Variants in TMEM132B observed in about 807,000 individuals in gnomAD.
The protein encoded by TMEM132B is transmembrane protein 132B.
TMEM132B carries 18 observed loss-of-function variants against 90.8 expected under a neutral mutation model. That is an observed-to-expected ratio of 0.20 (90% CI 0.14 to 0.29). The LOEUF is 0.29. Among genes scored for constraint, TMEM132B ranks in the 10% least tolerant of loss-of-function variants. The pLI is 1.00. For missense variants in TMEM132B, 1,096 were observed against 1,326.8 expected (o/e 0.83, Z 2.70); for synonymous variants, 504 against 523.3 (o/e 0.96, Z 0.50).
At chr12:125,278,277 G>C (rs1004313884) in intron 1 of TMEM132B, among the ~76,000 whole-genome samples, 1 of 152,200 alleles carries the variant, frequency 6.6e-6, no homozygotes, top group African/African-American at 2.4e-5. Flanking sequence ...CATTTGGCCT[G>C]TAAGGTGGAA....
intron 1 of TMEM132B, among the ~76,000 whole-genome samples, chr12:125,238,695 C>G (rs942906089): frequency 6.6e-6 from 1 of 152,152 alleles, no homozygotes; most frequent in African/African-American, 2.4e-5. Context: ...ACAGGTGGGG[C>G]GGTCAGCACC....
At chr12:125,539,001 C>T (rs1005340819) in intron 4 of TMEM132B, among the ~76,000 whole-genome samples, 3 of 152,220 alleles carry the variant, frequency 2.0e-5, no homozygotes, top group African/African-American at 7.2e-5. Flanking sequence ...ACCACCATCT[C>T]CTGCCAGACC....
chr12:125,316,618 C>CTTTTTCTTTTTTTTTTTTTTTTT (rs1555239077), intron 1 of TMEM132B, among the ~76,000 whole-genome samples: 1 of 150,858 alleles, frequency 6.6e-6, no homozygotes, highest in Admixed American at 6.6e-5. Flanking sequence ...AGATGATTTT[C>CTTTTTCTTTTTTTTTTTTTTTTT]AGCTGAGGTC....
chr12:125,588,184 C>T (rs1382543374), intron 5 of TMEM132B: 2 of 152,164 alleles, frequency 1.3e-5, no homozygotes, highest in Admixed American at 6.5e-5. Flanking sequence ...CCTTCCTCAC[C>T]GTTTGACCTT....
chr12:125,422,776 C>T (rs1377456421), intron 3 of TMEM132B, among the ~76,000 whole-genome samples: 1 of 152,134 alleles, frequency 6.6e-6, no homozygotes, highest in East Asian at 1.9e-4. Flanking sequence ...TCTGGAGCCA[C>T]CAGAAGCTGG....
intron 1 of TMEM132B, among the ~76,000 whole-genome samples, chr12:125,292,793 A>T (rs1236567970): frequency 6.6e-6 from 1 of 152,200 alleles, no homozygotes; most frequent in East Asian, 1.9e-4. Context: ...AGCAGAAATG[A>T]CAAGACTGAA....
intron 4 of TMEM132B, among the ~76,000 whole-genome samples, chr12:125,540,133 T>C (rs1281712820): frequency 6.6e-6 from 1 of 152,248 alleles, no homozygotes; most frequent in Non-Finnish European, 1.5e-5. Flanking sequence ...CCAGATATCT[T>C]TCTATTACTG....
intron 5 of TMEM132B, chr12:125,622,316 A>G (rs1886130254): frequency 5.0e-6 from 1 of 200,012 alleles, no homozygotes; most frequent in South Asian, 1.7e-4. Context: ...ACACTGGAAT[A>G]GTATGTTAGA....
At chr12:125,643,737 G>C (rs1886686785) in intron 5 of TMEM132B, among the ~76,000 whole-genome samples, 1 of 152,148 alleles carries the variant, frequency 6.6e-6, no homozygotes, top group Non-Finnish European at 1.5e-5. Flanking sequence ...TGAGGCACCT[G>C]GGGTTTGATT....
Position 125,287,001 on chromosome 12 carries a change from C to T in TMEM132B, c.68-62451C>T, listed in dbSNP as rs541635006. 3.4e-4 allele frequency among the ~76,000 whole-genome samples: 50 copies of T among 148,488 alleles called. No homozygotes were observed. The South Asian group carries it at 5.0e-3, about 15-fold the overall frequency. Reference sequence around the variant, plus strand: ...TACAGGCGTGAGCCACCAGGTCTGGCCAGAATTCCTCTTTTTTTTTTTTTT... The same window carrying T: ...TACAGGCGTGAGCCACCAGGTCTGGTCAGAATTCCTCTTTTTTTTTTTTTT... On this transcript the variant is annotated intron_variant, in intron 1 of 8. Coordinates refer to ENST00000682704, the MANE Select transcript of TMEM132B (RefSeq NM_001366854.1).
intron 5 of TMEM132B, among the ~76,000 whole-genome samples, chr12:125,620,093 G>A (rs1301832297): frequency 6.6e-6 from 1 of 152,178 alleles, no homozygotes; most frequent in African/African-American, 2.4e-5. Flanking sequence ...GTTGCGATGT[G>A]TCAGCAGAGC....
At chr12:125,538,804 T>C (rs1883880534) in intron 4 of TMEM132B, among the ~76,000 whole-genome samples, 2 of 152,212 alleles carry the variant, frequency 1.3e-5, no homozygotes. Flanking sequence ...CAGTCTTTCC[T>C]GTATCAGCAA....
intron 4 of TMEM132B, among the ~76,000 whole-genome samples, chr12:125,527,395 CCCATCCAG>C (rs1883511909): frequency 1.5e-5 from 2 of 134,784 alleles, no homozygotes. Context: ...CACCCATCCA[CCCATCCAG>C]CCTTCCATCC....
At chr12:125,505,453 C>A (rs2136613620) in intron 3 of TMEM132B, among the ~76,000 whole-genome samples, 1 of 152,080 alleles carries the variant, frequency 6.6e-6, no homozygotes, top group Non-Finnish European at 1.5e-5. Context: ...AATCCCAGCA[C>A]TTTGGGAGGC....
Position 125,458,816 on chromosome 12 carries a change from GGCACCAC to G in TMEM132B, c.1106+43140_1106+43146del, listed in dbSNP as rs1479519496. Among the ~76,000 whole-genome samples the G allele has an allele frequency of 1.3e-5, 2 of 152,194 alleles. No homozygotes were observed. Among genetic ancestry groups the G allele is most frequent in the African/African-American group, 4.8e-5 (2 of 41,450 alleles). Reference sequence around the variant, plus strand: ...AGATGTTGGGGTCCTGTACACAAAAGGCACCACAACAGGAGAATGAGTCCTGTCATCA... The same window carrying G: ...AGATGTTGGGGTCCTGTACACAAAAGAACAGGAGAATGAGTCCTGTCATCA... On this transcript the variant is annotated intron_variant, in intron 3 of 8. Coordinates refer to ENST00000682704, the MANE Select transcript of TMEM132B (RefSeq NM_001366854.1). This position sits in a 1 kb window ranked among gnomAD's most constrained non-coding sequence, Gnocchi z 4.9.
At chr12:125,599,358 T>C (rs755994281) in intron 5 of TMEM132B, among the ~76,000 whole-genome samples, 4 of 152,238 alleles carry the variant, frequency 2.6e-5, no homozygotes, top group Non-Finnish European at 5.9e-5. Context: ...CTTTATAAAT[T>C]ACCCAGTCTC....
intron 4 of TMEM132B, among the ~76,000 whole-genome samples, chr12:125,523,126 G>A (rs1475313684): frequency 1.3e-5 from 2 of 152,182 alleles, no homozygotes; most frequent in African/African-American, 4.8e-5. Context: ...TGGCTAGAGA[G>A]CTCTTGCTTG....
intron 6 of TMEM132B, among the ~76,000 whole-genome samples, chr12:125,647,817 G>T (rs190618775): frequency 6.2e-4 from 94 of 151,324 alleles, no homozygotes; most frequent in African/African-American, 2.2e-3. Context: ...CATCATGTTT[G>T]GTATTCAAAG....
At chr12:125,447,270 GTATTTATTTCT>G (rs1881029597) in intron 3 of TMEM132B, among the ~76,000 whole-genome samples, 1 of 149,638 alleles carries the variant, frequency 6.7e-6, no homozygotes, top group African/African-American at 2.5e-5. Context: ...ATTCTATTCT[GTATTTATTTCT>G]GTTTTTTTTT....
Sources: gnomAD v4.1 joint callset for allele counts (sites outside exome capture counted in the v4.1 genomes callset) on GRCh38, gnomAD v4.1.1 for gene constraint, Gnocchi (gnomAD v3.1) non-coding constraint, MANE v1.5 for transcripts, NCBI Gene and HGNC (gene_info 2026-07-23, HGNC 2026-07-21) for gene names.